Variants in GCN1 observed in about 807,000 individuals in gnomAD.
GCN1 encodes the protein GCN1 activator of EIF2AK4, also known as stalled ribosome sensor GCN1.
Under a neutral mutation model 288.4 loss-of-function variants are expected in GCN1, and 90 were observed. That is an observed-to-expected ratio of 0.31 (90% CI 0.26 to 0.37). The LOEUF (loss-of-function observed/expected upper bound fraction) is 0.37, where lower values mean the gene tolerates loss of function less well. Ranked by LOEUF, GCN1 falls within the 10% of genes least tolerant of loss-of-function variation. The pLI is 1.00. For missense variants in GCN1, 2,586 were observed against 3,419.9 expected (o/e 0.76, Z 6.08); for synonymous variants, 1,386 against 1,420.2 (o/e 0.98, Z 0.54).
chr12:120,147,279 ATCC>A lies in GCN1; in HGVS notation c.4727-10_4727-8del. 1.3e-6 allele frequency: 2 copies of A among 1,549,136 alleles called. No individual in the cohort carries two copies. The highest frequency in any genetic ancestry group is 1.8e-6 in the Non-Finnish European group (2 of 1,129,652). On this transcript the variant is annotated splice_polypyrimidine_tract_variant and splice_region_variant and intron_variant, in intron 37 of 57. Transcript: ENST00000300648. ...AGGAGGACTGGAGCAATGGCTGCAC[ATCC>A]AAAGAGAAGAGAGCTGGATGATATA...
chr12:120,185,599 C>G (rs1413197508), intron 2 of GCN1, among the ~76,000 whole-genome samples: 1 of 151,942 alleles, frequency 6.6e-6, no homozygotes, highest in Non-Finnish European at 1.5e-5. Context: ...GTTATTAAGG[C>G]CCCCCCGCCT....
chr12:120,159,374 C>G lies in GCN1; in HGVS notation c.2749+451G>C, dbSNP rs138454645. Among the ~76,000 whole-genome samples the G allele has an allele frequency of 7.0e-4, 107 of 152,308 alleles. No individual in the cohort carries two copies. In the East Asian group the frequency reaches 0.018, roughly 26 times the overall value. ...CTGCTGAAGGCCACTAAACAACCCA[C>G]AGAAGCAAGGCCACCAGAACTGCCA... On this transcript the variant is annotated intron_variant, in intron 24 of 57. Transcript: ENST00000300648.
chr12:120,158,328 G>T lies in GCN1; in HGVS notation c.2905+132C>A. 2 of 787,736 alleles carry T rather than the reference G, an allele frequency of 2.5e-6. No individual in the cohort carries two copies. The highest frequency in any genetic ancestry group is 3.9e-6 in the Non-Finnish European group (2 of 506,424). 48.8% of individuals were successfully genotyped at this position (787,736 alleles called of 1,614,324 possible). ...TCACTGCAATTCACAGACTACGAAG[G>T]TTCAATTCAGAAATCCTCCATATGG... On this transcript the variant is annotated intron_variant, in intron 25 of 57. Transcript: ENST00000300648. The surrounding 1 kb of genome is among the most constrained non-coding windows in gnomAD (Gnocchi z 4.3).
Position 120,156,903 on chromosome 12 carries a change from C to A in GCN1, c.3168+9G>T. 2 of 1,591,906 alleles carry A rather than the reference C, an allele frequency of 1.3e-6. No individual in the cohort carries two copies. Among genetic ancestry groups the A allele is most frequent in the African/African-American group, 1.3e-5 (1 of 74,598 alleles). On this transcript the variant is annotated intron_variant, in intron 27 of 57. Coordinates refer to ENST00000300648, the MANE Select transcript of GCN1 (RefSeq NM_006836.2). The surrounding 1 kb of genome is among the most constrained non-coding windows in gnomAD (Gnocchi z 5.8). ...AGTCACAGCAACAGCCAACTGAAAA[C>A]CACATCACCTGTAAGCGAGGCGAGC...
intron 2 of GCN1, among the ~76,000 whole-genome samples, chr12:120,188,023 T>A: frequency 6.6e-6 from 1 of 152,168 alleles, no homozygotes; most frequent in East Asian, 1.9e-4. Flanking sequence ...CCAAAATGTG[T>A]TCCCCAGACC....
chr12:120,138,945 C>T (rs1877100632), intron 45 of GCN1, 89 bp from the exon 46 acceptor site: 2 of 1,073,320 alleles, frequency 1.9e-6, no homozygotes, highest in Non-Finnish European at 1.4e-6. Context: ...GGACTCTGAC[C>T]CAGCTAGGCC....
In GCN1 at chr12:120,148,216, C is replaced by T. The variant is rs750975479; in HGVS notation, c.4677G>A (p.Gln1559=). 2 of 1,614,016 alleles carry T rather than the reference C, an allele frequency of 1.2e-6. No homozygotes were observed. Among genetic ancestry groups the T allele is most frequent in the South Asian group, 2.2e-5 (2 of 91,074 alleles). Residue 1559 remains glutamine (Q), a synonymous_variant, in exon 37 of 58, where the codon CAG becomes CAA. Coordinates refer to ENST00000300648, the MANE Select transcript of GCN1 (RefSeq NM_006836.2). Reference sequence around the variant, plus strand: ...CGGAGCCGATCTGCCTGAGCGCCTGCTGTCCAGCCTTCTGGACTTTGACAT... The same window carrying T: ...CGGAGCCGATCTGCCTGAGCGCCTGTTGTCCAGCCTTCTGGACTTTGACAT... ...DSHVKVQKAG[Q]QALRQIGSVI... is the part of the protein sequence containing the mutation.
At chr12:120,174,325 C>T (rs775932617) in intron 12 of GCN1, among the ~76,000 whole-genome samples, 156 bp from the exon 13 acceptor site, 1 of 152,186 alleles carries the variant, frequency 6.6e-6, no homozygotes, top group Non-Finnish European at 1.5e-5. Context: ...TCCTTCAATG[C>T]CCCCTCTACA....
intron 2 of GCN1, among the ~76,000 whole-genome samples, chr12:120,189,113 A>G (rs1878920423): frequency 6.6e-6 from 1 of 152,128 alleles, no homozygotes; most frequent in Non-Finnish European, 1.5e-5. Context: ...TCTGTCGCCC[A>G]GGCTGGAGTG....
chr12:120,161,563 T>C lies in GCN1; in HGVS notation c.2363A>G (p.Lys788Arg). 1 of 1,613,760 alleles carries C rather than the reference T, an allele frequency of 6.2e-7. No homozygotes were observed. The highest frequency in any genetic ancestry group is 8.5e-7 in the Non-Finnish European group (1 of 1,179,632). ...GTTCTCTCGCTTCATGTTGGCCTTT[T>C]TTATGCTGTCCTGCTGGGCACTGAA... ...IIQSAQQDSI[K>R]KANMKRENKA... Residue 788 changes from lysine to arginine, a missense_variant, in exon 22 of 58, where the codon AAA becomes AGA. Around this residue, in one of 8 missense-constraint regions of GCN1, gnomAD observed 913 missense variants for 1,107.0 expected, o/e 0.82. Transcript: ENST00000300648.
At chr12:120,161,816 T>C in intron 21 of GCN1, 64 bp downstream of exon 21, 1 of 1,509,540 alleles carries the variant, frequency 6.6e-7, no homozygotes, top group South Asian at 1.2e-5. Context: ...CTGGCTCCAT[T>C]CTACACACAA....
chr12:120,170,380 G>A (rs1878278651), intron 14 of GCN1, 59 bp from the exon 15 acceptor site: 2 of 1,497,698 alleles, frequency 1.3e-6, no homozygotes, highest in African/African-American at 1.4e-5. Flanking sequence ...TGACAGGACT[G>A]AGAAAGGATT....
intron 33 of GCN1, among the ~76,000 whole-genome samples, chr12:120,152,065 T>C (rs1877573015): frequency 1.3e-5 from 2 of 152,200 alleles, no homozygotes. Context: ...GGTCTTACTC[T>C]GTCACCCAGG....
At chr12:120,157,585 GA>G (rs1877789901) in intron 26 of GCN1, among the ~76,000 whole-genome samples, 1 of 152,212 alleles carries the variant, frequency 6.6e-6, no homozygotes, top group Admixed American at 6.5e-5. Context: ...CCATAGCACA[GA>G]ATCTCATGCA....
chr12:120,160,100 G>A (rs768373574), intron 23 of GCN1, 42 bp downstream of exon 23: 12 of 1,586,838 alleles, frequency 7.6e-6, no homozygotes, highest in East Asian at 4.5e-5. Context: ...AAGCTGCCCA[G>A]CACTCTTCCG....
chr12:120,191,694 TAA>T (rs1320921107), intron 1 of GCN1, among the ~76,000 whole-genome samples: 5 of 152,262 alleles, frequency 3.3e-5, no homozygotes, highest in African/African-American at 1.2e-4. Flanking sequence ...GTTTTAACTT[TAA>T]AATGTCTTTT....
At chr12:120,193,308 AT>A (rs937843040) in intron 1 of GCN1, among the ~76,000 whole-genome samples, 173 of 147,216 alleles carry the variant, frequency 1.2e-3, no homozygotes, top group Non-Finnish European at 1.3e-3. Context: ...GAAGAACTAA[AT>A]TTTTTTTTTT....
chr12:120,151,506 AGCCACTGCCTGCGGAT>A, intron 33 of GCN1, 115 bp from the exon 34 acceptor site: 1 of 1,074,580 alleles, frequency 9.3e-7, no homozygotes, highest in Non-Finnish European at 1.3e-6. Flanking sequence ...GCCCCATCTC[AGCCACTGCCTGCGGAT>A]GTCACAGGGC....
chr12:120,188,443 A>AG (rs1878894262), intron 2 of GCN1, among the ~76,000 whole-genome samples: 1 of 151,026 alleles, frequency 6.6e-6, no homozygotes, highest in Admixed American at 6.6e-5. Context: ...CACCAAAGAA[A>AG]AAAAAAAAAA....
Sources: allele counts gnomAD v4.1 joint callset (sites outside exome capture counted in the v4.1 genomes callset), GRCh38; gene constraint gnomAD v4.1.1; regional missense constraint gnomAD v4.1.1; non-coding constraint Gnocchi (gnomAD v3.1); transcripts MANE v1.5; gene names NCBI Gene and HGNC (gene_info 2026-07-23, HGNC 2026-07-21).